Variants in NTRK3 observed in about 807,000 individuals in gnomAD.
NTRK3 encodes neurotrophic receptor tyrosine kinase 3.
In NTRK3, 24 loss-of-function variants were observed where a neutral mutation model predicts 91.7. The observed-to-expected ratio is 0.26, with a 90% CI of 0.19 to 0.37. The LOEUF (loss-of-function observed/expected upper bound fraction) is 0.37, where lower values mean the gene tolerates loss of function less well. NTRK3 is among the 10% of genes least tolerant of loss of function. NTRK3 has a pLI of 1.00. For synonymous variants in NTRK3, 483 were observed against 404.0 expected (o/e 1.20, Z -2.34); for missense variants, 880 against 1,068.9 (o/e 0.82, Z 2.46).
intron 3 of NTRK3, among the ~76,000 whole-genome samples, chr15:88,247,862 C>T (rs919111698): frequency 6.6e-5 from 10 of 151,774 alleles, no homozygotes; most frequent in African/African-American, 1.9e-4. Flanking sequence ...GGTAAGGTCG[C>T]GGGGGGATAA....
intron 3 of NTRK3, among the ~76,000 whole-genome samples, chr15:88,228,841 G>T (rs1438934289): frequency 2.0e-5 from 3 of 152,096 alleles, no homozygotes; most frequent in African/African-American, 7.2e-5. Flanking sequence ...GAGATTGAAA[G>T]CCACATGTTC....
intron 3 of NTRK3, among the ~76,000 whole-genome samples, chr15:88,223,498 C>G (rs1392548052): frequency 6.6e-6 from 1 of 152,238 alleles, no homozygotes; most frequent in East Asian, 1.9e-4. Context: ...TTGCAAGGGC[C>G]AGAGACTGCG....
At chr15:87,915,807 C>T (rs1021367495) in intron 17 of NTRK3, among the ~76,000 whole-genome samples, 3 of 151,898 alleles carry the variant, frequency 2.0e-5, no homozygotes, top group Non-Finnish European at 4.4e-5. Context: ...ATTTAATGTG[C>T]ACAAAAGAAG....
At chr15:88,071,227 C>T (rs1597128197) in intron 13 of NTRK3, among the ~76,000 whole-genome samples, 1 of 152,224 alleles carries the variant, frequency 6.6e-6, no homozygotes, top group African/African-American at 2.4e-5. Context: ...TGCATCCCAG[C>T]GATGAGGGCA....
At chr15:88,028,215 G>A (rs1212621804) in intron 14 of NTRK3, among the ~76,000 whole-genome samples, 4 of 152,178 alleles carry the variant, frequency 2.6e-5, no homozygotes, top group African/African-American at 9.7e-5. Flanking sequence ...GCAGCAGGGG[G>A]CGCCATCCCA....
intron 17 of NTRK3, among the ~76,000 whole-genome samples, chr15:87,892,575 T>C (rs149807949): frequency 4.3e-4 from 65 of 152,346 alleles, no homozygotes; most frequent in African/African-American, 1.5e-3. Context: ...AAAATTGATA[T>C]GTATATTATT....
chr15:88,073,591 G>A (rs1327748529), intron 13 of NTRK3, among the ~76,000 whole-genome samples: 1 of 152,158 alleles, frequency 6.6e-6, no homozygotes, highest in African/African-American at 2.4e-5. Context: ...GTGCTTTCCT[G>A]TGGGCCATTA....
chr15:88,170,050 CTTTGCACGAATTAAGAGAA>C (rs1419488100), intron 5 of NTRK3, among the ~76,000 whole-genome samples: 1 of 152,158 alleles, frequency 6.6e-6, no homozygotes, highest in African/African-American at 2.4e-5. Flanking sequence ...CTTAATTCAC[CTTTGCACGAATTAAGAGAA>C]TTTGCATGAA....
chr15:88,133,554 C>T (rs1597496183), intron 10 of NTRK3, among the ~76,000 whole-genome samples: 2 of 152,210 alleles, frequency 1.3e-5, no homozygotes, highest in Non-Finnish European at 2.9e-5. Context: ...AGACTTTCCT[C>T]TTTAAAAACA....
intron 14 of NTRK3, among the ~76,000 whole-genome samples, chr15:88,009,630 A>G (rs575033106): frequency 5.9e-5 from 9 of 152,300 alleles, no homozygotes; most frequent in Admixed American, 2.0e-4. Context: ...TAGGGTGCAC[A>G]TGACCCTCCT....
chr15:87,936,288 T>A (rs1184750492), intron 15 of NTRK3, among the ~76,000 whole-genome samples: 1 of 152,194 alleles, frequency 6.6e-6, no homozygotes, highest in African/African-American at 2.4e-5. Flanking sequence ...AAAGGAGAGC[T>A]AGAATTTGCC....
chr15:88,108,805 G>C (rs1246178965), intron 13 of NTRK3, among the ~76,000 whole-genome samples: 1 of 152,150 alleles, frequency 6.6e-6, no homozygotes. Context: ...CTCATATAAG[G>C]AGCTTGGCAG....
intron 13 of NTRK3, among the ~76,000 whole-genome samples, chr15:88,040,141 T>G (rs1388318673): frequency 6.6e-6 from 1 of 152,240 alleles, no homozygotes. Flanking sequence ...TTGAATAAAT[T>G]TTGCTTCTAA....
chr15:88,052,974 G>C lies in NTRK3; in HGVS notation c.1397-19929C>G, dbSNP rs114837951. ...AAGTGGCTTAACTTCTTTGAGCCTT[G>C]GTTTCCTATCTGGAAAACTGGGAAA... On this transcript the variant is annotated intron_variant, in intron 13 of 18. Coordinates refer to ENST00000394480, the Ensembl canonical transcript of NTRK3. 6.0e-3 allele frequency among the ~76,000 whole-genome samples: 919 copies of C among 152,214 alleles called. 12 individuals are homozygous for C. The highest frequency in any genetic ancestry group is 0.021 in the African/African-American group (873 of 41,532).
intron 3 of NTRK3, among the ~76,000 whole-genome samples, chr15:88,232,364 A>G (rs4887214): frequency 0.86 from 130,015 of 151,422 alleles, 55,998 homozygotes; most frequent in East Asian, 0.98. Context: ...TCCCAGACCT[A>G]GTTTATTCCT....
intron 5 of NTRK3, among the ~76,000 whole-genome samples, chr15:88,172,397 G>C (rs951735665): frequency 2.6e-5 from 4 of 152,248 alleles, no homozygotes; most frequent in African/African-American, 4.8e-5. Context: ...TTAGGGAAGA[G>C]GGGGAAAAAA....
intron 3 of NTRK3, among the ~76,000 whole-genome samples, chr15:88,204,973 T>C (rs752473946): frequency 7.9e-5 from 12 of 152,210 alleles, no homozygotes; most frequent in African/African-American, 2.4e-4. Flanking sequence ...ATGGGAAAGA[T>C]GATGCGTTTC....
intron 13 of NTRK3, among the ~76,000 whole-genome samples, chr15:88,046,369 AG>A (rs1267017563): frequency 6.6e-6 from 1 of 152,102 alleles, no homozygotes; most frequent in Non-Finnish European, 1.5e-5. Flanking sequence ...AGAAAAGGGG[AG>A]AAAAAAGACA....
At chr15:88,143,269 A>G (rs2042563786) in intron 6 of NTRK3, among the ~76,000 whole-genome samples, 1 of 152,180 alleles carries the variant, frequency 6.6e-6, no homozygotes, top group Non-Finnish European at 1.5e-5. Flanking sequence ...GATTAAAGAC[A>G]AAGAGACAGG....
Sources: gnomAD v4.1 joint callset for allele counts (sites outside exome capture counted in the v4.1 genomes callset) on GRCh38, gnomAD v4.1.1 for gene constraint, MANE v1.5 for transcripts, NCBI Gene and HGNC (gene_info 2026-07-23, HGNC 2026-07-21) for gene names.